Variants in COL6A5 observed in about 807,000 individuals in gnomAD.
COL6A5 encodes collagen type VI alpha 5 chain.
Under a neutral mutation model 65.6 loss-of-function variants are expected in COL6A5, and 48 were observed. The observed-to-expected ratio is 0.73, with a 90% CI of 0.58 to 0.93. COL6A5 has a LOEUF of 0.93. Among genes scored for constraint, COL6A5 ranks in the 40% least tolerant of loss-of-function variants. COL6A5 has a pLI of 0.00. For missense variants in COL6A5, 914 were observed against 928.3 expected, an observed-to-expected ratio of 0.98 and a Z score of 0.20; for synonymous variants, 291 against 322.8, an observed-to-expected ratio of 0.90 and a Z score of 1.05.
intron 7 of COL6A5, among the ~76,000 whole-genome samples, chr3:130,476,724 A>T (rs1710109504): frequency 6.6e-6 from 1 of 152,104 alleles, no homozygotes; most frequent in Non-Finnish European, 1.5e-5. Context: ...GCTGAAAATA[A>T]TAAGGTTGGT....
intron 3 of COL6A5, among the ~76,000 whole-genome samples, chr3:130,441,152 C>T (rs9835081): frequency 2.0e-5 from 3 of 152,160 alleles, no homozygotes; most frequent in East Asian, 3.9e-4. Context: ...AGAACATTCA[C>T]GTAAAAGTTT....
chr3:130,361,243 C>T (rs189115167), intron 1 of COL6A5, among the ~76,000 whole-genome samples: 3 of 152,160 alleles, frequency 2.0e-5, no homozygotes, highest in Admixed American at 1.3e-4. Context: ...ACCTGTTCAT[C>T]CCTCCATACC....
At chr3:130,387,174 T>C (rs1188348799) in intron 5 of COL6A5, among the ~76,000 whole-genome samples, 2 of 152,052 alleles carry the variant, frequency 1.3e-5, no homozygotes, top group South Asian at 4.1e-4. Flanking sequence ...TCAACTGTTT[T>C]AATGGTAAGA....
intron 3 of COL6A5, 116 bp downstream of exon 35, chr3:130,440,941 G>A: frequency 1.3e-6 from 1 of 785,330 alleles, no homozygotes; most frequent in African/African-American, 1.7e-5. Flanking sequence ...TGAATTAGAT[G>A]GTGAGATAGG....
At chr3:130,471,388 G>A (rs1353652400) in intron 7 of COL6A5, among the ~76,000 whole-genome samples, 3 of 152,040 alleles carry the variant, frequency 2.0e-5, no homozygotes, top group Non-Finnish European at 4.4e-5. Context: ...ATGAAGATTG[G>A]CAGGAAGGAT....
intron 7 of COL6A5, among the ~76,000 whole-genome samples, chr3:130,394,014 A>G (rs528203732): frequency 1.3e-5 from 2 of 150,684 alleles, no homozygotes; most frequent in Non-Finnish European, 3.0e-5. Flanking sequence ...CTTACAAGGA[A>G]TTCTGTGACC....
chr3:130,476,761 T>C, intron 7 of COL6A5: 1 of 511,394 alleles, frequency 2.0e-6, no homozygotes, highest in South Asian at 1.7e-5. Context: ...TCATCAAGTG[T>C]GCGTCTTTGT....
chr3:130,409,446 T>C, intron 18 of COL6A5, 58 bp downstream of exon 18: 2 of 1,402,648 alleles, frequency 1.4e-6, no homozygotes, highest in Middle Eastern at 3.6e-4. Flanking sequence ...AGTTCCTATC[T>C]CCTTTCCCTT....
At position 130,420,758 on chromosome 3, in the gene COL6A5, T is replaced by C. The variant is rs534267432; in HGVS notation, c.4951-395T>C. 2.3e-3 allele frequency among the ~76,000 whole-genome samples: 176 copies of C among 76,856 alleles called. 1 individual carries two copies. The highest frequency in any genetic ancestry group is 0.014 in the Admixed American group (94 of 6,732). 50.4% of individuals were successfully genotyped at this position (76,856 alleles called of 152,430 possible). On this transcript the variant is annotated intron_variant and NMD_transcript_variant, in intron 25 of 41. Transcript: ENST00000312481. ...ATAGTATCTCATTGCAGGGTCAAAT[T>C]TGCATTTTTTTGTTACCAGGGAGGA...
rs528683237 is a variant in COL6A5 at position 130,406,450 on chromosome 3, G to A, written c.4479+129G>A. The stretch of plus-strand genomic sequence containing the variant: ...CTTAACCACATAATGAAGGCCTATT[G>A]CTACTGAATGTATGCTGCATATCTG... On this transcript the variant is annotated intron_variant and NMD_transcript_variant, in intron 17 of 41. Transcript: ENST00000312481. The A allele has an allele frequency of 2.1e-4, 142 of 687,194 alleles. No individual in the cohort carries two copies. The African/African-American group carries it at 2.3e-3, about 11-fold the overall frequency. 42.6% of individuals were successfully genotyped at this position (687,194 alleles called of 1,614,324 possible). A position where few individuals can be genotyped will look rare whatever the true frequency, so the allele number is the denominator to read the frequency against.
chr3:130,440,880 AC>A, intron 3 of COL6A5, 55 bp downstream of exon 35: 1 of 1,312,280 alleles, frequency 7.6e-7, no homozygotes. Flanking sequence ...GTTTGTTAAT[AC>A]AGTATTGATA....
intron 1 of COL6A5, among the ~76,000 whole-genome samples, chr3:130,365,450 T>G (rs1014581614): frequency 3.3e-5 from 5 of 152,122 alleles, no homozygotes; most frequent in Non-Finnish European, 1.5e-5. Context: ...GCTAATTTTT[T>G]GTATTTTTAG....
At chr3:130,456,214 C>T (rs1709568585) in intron 5 of COL6A5, among the ~76,000 whole-genome samples, 1 of 152,176 alleles carries the variant, frequency 6.6e-6, no homozygotes, top group Admixed American at 6.5e-5. Flanking sequence ...CATAAACTCC[C>T]TTGATGCCTA....
chr3:130,471,511 T>G (rs1046724751), intron 7 of COL6A5, among the ~76,000 whole-genome samples, 171 bp from the exon 40 acceptor site: 1 of 152,124 alleles, frequency 6.6e-6, no homozygotes, highest in Admixed American at 6.6e-5. Flanking sequence ...CTAAGTTTCC[T>G]TCAGAATATT....
chr3:130,394,033 C>G (rs564196695), intron 7 of COL6A5, among the ~76,000 whole-genome samples: 5 of 152,302 alleles, frequency 3.3e-5, no homozygotes, highest in Admixed American at 3.3e-4. Context: ...CCGTGGGTAA[C>G]CTACTGTCTC....
At chr3:130,380,874 G>A (rs1348856785) in intron 4 of COL6A5, among the ~76,000 whole-genome samples, 1 of 152,098 alleles carries the variant, frequency 6.6e-6, no homozygotes, top group East Asian at 1.9e-4. Flanking sequence ...CCAGAGGTAG[G>A]TAGACTGAGC....
intron 7 of COL6A5, among the ~76,000 whole-genome samples, chr3:130,483,058 TG>T (rs1027640835): frequency 5.9e-5 from 9 of 151,848 alleles, no homozygotes; most frequent in African/African-American, 1.9e-4. Context: ...CAGAAGAGAG[TG>T]GGGGCCAATA....
chr3:130,388,822 A>C lies in COL6A5; in HGVS notation c.2104A>C (p.Asn702His), dbSNP rs376351230. The C allele has an allele frequency of 1.4e-5, 22 of 1,551,290 alleles. No individual in the cohort carries two copies. In the African/African-American group the frequency reaches 2.6e-4, roughly 18 times the overall value. ...TGCAATAGATAGAATGTCTCTCATC[A>C]ATGAAGGCACTTTAACTGGAAAGGC... is the stretch of plus-strand genomic sequence containing the variant. Residue 702 changes from asparagine (N) to histidine (H), a missense_variant and NMD_transcript_variant, in exon 6 of 42, where the codon AAT becomes CAT. By Grantham distance (68) the Asn-to-His change is moderately conservative. Transcript: ENST00000312481.
At chr3:130,436,946 A>T (rs1228516882) in intron 1 of COL6A5, among the ~76,000 whole-genome samples, 1 of 152,152 alleles carries the variant, frequency 6.6e-6, no homozygotes, top group Non-Finnish European at 1.5e-5. Context: ...CTCTAGATTC[A>T]TACACAGAGC....
Sources: allele counts gnomAD v4.1 joint callset (sites outside exome capture counted in the v4.1 genomes callset), GRCh38; gene constraint gnomAD v4.1.1; transcripts MANE v1.5; gene names NCBI Gene and HGNC (gene_info 2026-07-23, HGNC 2026-07-21).